TPRG1: variants seen among roughly 807,000 people sequenced by gnomAD.
The protein encoded by TPRG1 is tumor protein p63-regulated gene 1 protein.
TPRG1 carries 29 observed loss-of-function variants against 29.3 expected under a neutral mutation model. The observed-to-expected ratio is 0.99, with a 90% CI of 0.74 to 1.35. The LOEUF (loss-of-function observed/expected upper bound fraction) is 1.35. Among genes scored for constraint, TPRG1 ranks in the 40% most tolerant of loss-of-function variants. TPRG1 has a pLI of 0.00. For synonymous variants in TPRG1, 130 were observed against 116.8 expected, an observed-to-expected ratio of 1.11 and a Z score of -0.73; for missense variants, 327 against 335.0, an observed-to-expected ratio of 0.98 and a Z score of 0.19.
intron 2 of TPRG1, among the ~76,000 whole-genome samples, chr3:189,004,026 C>A (rs562124675): frequency 6.6e-6 from 1 of 152,192 alleles, no homozygotes; most frequent in South Asian, 2.1e-4. Flanking sequence ...TGAAAATAAA[C>A]ATTATAAGTG....
intron 4 of TPRG1, among the ~76,000 whole-genome samples, chr3:189,265,514 T>G (rs1713898271): frequency 6.6e-6 from 1 of 152,194 alleles, no homozygotes; most frequent in African/African-American, 2.4e-5. Flanking sequence ...AGTAACATTC[T>G]CCCATCTCTC....
At chr3:189,045,368 A>G (rs1714911367) in intron 4 of TPRG1, among the ~76,000 whole-genome samples, 1 of 152,254 alleles carries the variant, frequency 6.6e-6, no homozygotes, top group South Asian at 2.1e-4. Context: ...CAATCATGGA[A>G]AAGAACGTCA....
upstream of TPRG1, among the ~76,000 whole-genome samples, chr3:189,169,461 G>A (rs1465117485): frequency 2.6e-5 from 4 of 152,126 alleles, no homozygotes; most frequent in South Asian, 4.1e-4. Flanking sequence ...CACCAGGCCC[G>A]GCCTGTAAAG....
intron 4 of TPRG1, among the ~76,000 whole-genome samples, chr3:189,029,760 C>A (rs1417672129): frequency 2.6e-5 from 4 of 152,090 alleles, no homozygotes; most frequent in African/African-American, 4.8e-5. Flanking sequence ...GGTGCCATCC[C>A]CTGGATAATG....
intron 4 of TPRG1, among the ~76,000 whole-genome samples, chr3:189,272,748 C>A (rs865876817): frequency 2.5e-4 from 34 of 136,324 alleles, no homozygotes; most frequent in African/African-American, 9.9e-4. Context: ...TCCTTCCTTC[C>A]TTCGTTCCTT....
At chr3:189,091,241 A>G (rs1718318331) in intron 4 of TPRG1, among the ~76,000 whole-genome samples, 1 of 152,104 alleles carries the variant, frequency 6.6e-6, no homozygotes, top group Non-Finnish European at 1.5e-5. Context: ...GTTTGTAAAC[A>G]GTGCATTTGA....
At chr3:189,089,418 A>G (rs6765417) in intron 4 of TPRG1, among the ~76,000 whole-genome samples, 13,705 of 152,254 alleles carry the variant, frequency 0.09, 775 homozygotes, top group African/African-American at 0.16. Flanking sequence ...TATAAACAAT[A>G]TTCTCTCTTA....
chr3:189,307,166 G>T (rs1577023069), intron 4 of TPRG1, among the ~76,000 whole-genome samples: 1 of 152,112 alleles, frequency 6.6e-6, no homozygotes, highest in Admixed American at 6.5e-5. Context: ...GGGATTACAG[G>T]CTCCCACCAC....
At chr3:189,037,941 G>C (rs1714379499) in intron 4 of TPRG1, among the ~76,000 whole-genome samples, 1 of 150,588 alleles carries the variant, frequency 6.6e-6, no homozygotes, top group Non-Finnish European at 1.5e-5. Context: ...TGAATACAGA[G>C]ATAAACCATG....
At chr3:189,145,359 T>TAAAAAAA (rs58210295) in intron 3 of TPRG1, among the ~76,000 whole-genome samples, 1 of 107,394 alleles carries the variant, frequency 9.3e-6, no homozygotes, top group Non-Finnish European at 1.9e-5. Context: ...AGACTCCATC[T>TAAAAAAA]AAAAAAAAAA....
At chr3:189,036,575 A>ACAAAG (rs1242845997) in intron 4 of TPRG1, among the ~76,000 whole-genome samples, 1 of 152,062 alleles carries the variant, frequency 6.6e-6, no homozygotes, top group Non-Finnish European at 1.5e-5. Flanking sequence ...GCTATCCCAG[A>ACAAAG]CAAAGGAGGA....
rs189093235 is a variant in TPRG1, at chr3:189,040,677, C to T, written c.-463+16731C>T. Among the ~76,000 whole-genome samples the T allele has an allele frequency of 6.6e-5, 10 of 152,272 alleles. No individual in the cohort carries two copies. In the South Asian group the frequency reaches 8.3e-4, roughly 13 times the overall value. On this transcript the variant is annotated intron_variant, in intron 4 of 10. Transcript: ENST00000433971. Reference sequence around the variant, plus strand: ...AATGGAAAAAACCCCTTTCTCCCAACCTTGTACCATTGTCTGTTACACTGG... The same window carrying T: ...AATGGAAAAAACCCCTTTCTCCCAATCTTGTACCATTGTCTGTTACACTGG...
At chr3:189,034,040 C>T (rs903875542) in intron 4 of TPRG1, among the ~76,000 whole-genome samples, 3 of 152,074 alleles carry the variant, frequency 2.0e-5, no homozygotes, top group East Asian at 1.9e-4. Flanking sequence ...TGATGGTTTA[C>T]GTGTAGCTAT....
At chr3:189,155,532 A>C (rs986466066) in intron 5 of TPRG1, among the ~76,000 whole-genome samples, 3 of 152,058 alleles carry the variant, frequency 2.0e-5, no homozygotes, top group African/African-American at 7.2e-5. Context: ...GCAGAGTTAG[A>C]AAGAGAGAAG....
At chr3:189,219,480 C>A in intron 3 of TPRG1, 2 of 693,958 alleles carry the variant, frequency 2.9e-6, no homozygotes, top group Non-Finnish European at 4.0e-6. Context: ...TTTATTTCCA[C>A]CTTGCAGTTT....
chr3:189,133,841 T>C (rs1723394414), intron 3 of TPRG1, among the ~76,000 whole-genome samples: 1 of 152,174 alleles, frequency 6.6e-6, no homozygotes, highest in Admixed American at 6.6e-5. Context: ...GATATTAATA[T>C]AAATAAAAGT....
At position 189,158,928 on chromosome 3, in the gene TPRG1, G is replaced by GT. The variant is rs57590939; in HGVS notation, c.-10+8065dup. Among the ~76,000 whole-genome samples the GT allele has an allele frequency of 3.8e-3, 562 of 147,882 alleles. 3 individuals carry two copies. The highest frequency in any genetic ancestry group is 8.6e-3 in the African/African-American group (346 of 40,160). ...AAAGAGCTCATCAAGTTTTTTTTTT[G>GT]TTTTTTTTTGTTTTTGTTTTTTTTG... On this transcript the variant is annotated intron_variant, in intron 5 of 6. Coordinates refer to the TPRG1 transcript ENST00000412373.
intron 4 of TPRG1, among the ~76,000 whole-genome samples, chr3:189,288,899 G>A (rs1718525052): frequency 2.0e-5 from 3 of 152,240 alleles, no homozygotes; most frequent in Admixed American, 2.0e-4. Context: ...ATTCCAGCTT[G>A]TTATGAGGTA....
chr3:189,291,310 G>A (rs1279518510), intron 4 of TPRG1, among the ~76,000 whole-genome samples: 1 of 152,114 alleles, frequency 6.6e-6, no homozygotes, highest in Admixed American at 6.6e-5. Flanking sequence ...AAATAATAAT[G>A]GGGATATGAG....
Sources: allele counts gnomAD v4.1 joint callset (sites outside exome capture counted in the v4.1 genomes callset), GRCh38; gene constraint gnomAD v4.1.1; transcripts MANE v1.5; gene names NCBI Gene and HGNC (gene_info 2026-07-23, HGNC 2026-07-21).